The following COPB2 variants were observed in gnomAD, a reference collection of about 807,000 sequenced individuals.
COPB2 encodes coat protein complex I subunit beta 2.
COPB2 carries 16 observed loss-of-function variants against 120.8 expected under a neutral mutation model. The observed-to-expected ratio is 0.13, with a 90% CI of 0.09 to 0.20. The LOEUF (loss-of-function observed/expected upper bound fraction) is 0.20. COPB2 is among the 10% of genes least tolerant of loss of function. The pLI is 1.00. For synonymous variants in COPB2, 332 were observed against 366.3 expected (o/e 0.91, Z 1.07); for missense variants, 794 against 1,076.5 (o/e 0.74, Z 3.67).
intron 8 of COPB2, 89 bp downstream of exon 8, chr3:139,373,577 A>G (rs1299272729): frequency 6.3e-7 from 1 of 1,578,246 alleles, no homozygotes; most frequent in East Asian, 2.2e-5. Flanking sequence ...CCAGTTTTAT[A>G]AAACTGGTTA....
chr3:139,366,600 T>C lies in COPB2; in HGVS notation c.1852A>G (p.Arg618Gly). 6.2e-7 allele frequency: 1 copy of C among 1,613,944 alleles called. No individual in the cohort carries two copies. The highest frequency in any genetic ancestry group is 1.7e-4 in the Middle Eastern group (1 of 6,060). ...KVLPTIPKEQ[R>G]TRVAHFLEKQ... is the part of the protein sequence containing the mutation. ...TCCAAAAAGTGTGCAACTCTGGTCC[T>C]CTGTTCTTTTGGAATGGTAGGAAGG... The change falls in exon 15 of 22, where the codon AGG becomes GGG. Residue 618 changes from arginine (R) to glycine (G), a missense_variant. Arg to Gly is a moderately radical substitution (Grantham distance 125). Coordinates refer to ENST00000333188, the MANE Select transcript of COPB2 (RefSeq NM_004766.3).
chr3:139,357,493 G>GAC lies in COPB2; in HGVS notation c.*368_*369dup. 5.1e-6 allele frequency: 1 copy of GAC among 196,152 alleles called. No homozygotes were observed. The highest frequency in any genetic ancestry group is 1.0e-5 in the Non-Finnish European group (1 of 97,296). 12.2% of individuals were successfully genotyped at this position (196,152 alleles called of 1,614,324 possible). A position where few individuals can be genotyped will look rare whatever the true frequency, so the allele number is the denominator to read the frequency against. ...TGCAGATTTAGTTATACAAAGAAAA[G>GAC]ACAGTGGGGCTGATCCCTAGGCAAG... is the stretch of plus-strand genomic sequence containing the variant. On this transcript the variant is annotated 3_prime_UTR_variant, in exon 22 of 22. Transcript: ENST00000333188.
At chr3:139,368,309 A>G in intron 12 of COPB2, 21 bp from the exon 13 acceptor site, 3 of 1,600,474 alleles carry the variant, frequency 1.9e-6, no homozygotes, top group South Asian at 1.1e-5. Flanking sequence ...ACAAAATCAT[A>G]GACAACTGAT....
chr3:139,369,342 T>C lies in COPB2; in HGVS notation c.1320A>G (p.Gly440=), dbSNP rs1442105689. The C allele has an allele frequency of 6.2e-7, 1 of 1,613,606 alleles. No homozygotes were observed. Among genetic ancestry groups the C allele is most frequent in the East Asian group, 2.2e-5 (1 of 44,840 alleles). ...AGGCTAAGCCATTTACAGATCTGAC[T>C]CCCAATAAGAAGCCGCCGTAGATAC... The part of the protein sequence containing the change: ...AESIYGGFLL[G]VRSVNGLAFY... Residue 440 remains glycine (G), a synonymous_variant, in exon 12 of 22, where the codon GGA becomes GGG. Coordinates refer to ENST00000333188, the MANE Select transcript of COPB2 (RefSeq NM_004766.3).
intron 1 of COPB2, among the ~76,000 whole-genome samples, chr3:139,387,206 G>C (rs1456593849): frequency 6.6e-6 from 1 of 151,062 alleles, no homozygotes; most frequent in African/African-American, 2.4e-5. Context: ...GTGAGATTCT[G>C]TCAAGAAAGA....
chr3:139,369,383 A>G lies in COPB2; in HGVS notation c.1295-16T>C. ...CCGTAGATACCTAAAGGGAACATAA[A>G]AAGAGTTTTGCTTAGGCATTTTTGA... On this transcript the variant is annotated splice_polypyrimidine_tract_variant and intron_variant, in intron 11 of 21. Coordinates refer to ENST00000333188, the MANE Select transcript of COPB2 (RefSeq NM_004766.3). 2 of 1,610,288 alleles carry G rather than the reference A, an allele frequency of 1.2e-6. No homozygotes were observed. The highest frequency in any genetic ancestry group is 1.7e-6 in the Non-Finnish European group (2 of 1,178,518).
At chr3:139,361,527 C>T (rs1269484135) in intron 16 of COPB2, among the ~76,000 whole-genome samples, 3 of 152,154 alleles carry the variant, frequency 2.0e-5, no homozygotes, top group Non-Finnish European at 4.4e-5. Context: ...AAATAATTAT[C>T]GTCAACCCAT....
rs772684544 is a variant in COPB2, at chr3:139,379,055, G to C, written c.347C>G (p.Thr116Ser). Reference sequence around the variant, plus strand: ...AAAAGGTCATCTCTTACCACTGCTAGTTAGAATGAAAGGCTGGGTTGGATG... The same window carrying C: ...AAAAGGTCATCTCTTACCACTGCTACTTAGAATGAAAGGCTGGGTTGGATG... ...AVHPTQPFIL[T>S]SSDDMLIKLW... Residue 116 changes from threonine (T) to serine (S), a missense_variant, in exon 4 of 22, where the codon ACT (threonine) becomes AGT (serine). This residue lies in a region of COPB2 where 610 missense variants were observed against 866.7 expected (regional missense o/e 0.70). Transcript: ENST00000333188. 1 of 1,597,104 alleles carries C rather than the reference G, an allele frequency of 6.3e-7. No homozygotes were observed. Among genetic ancestry groups the C allele is most frequent in the South Asian group, 1.1e-5 (1 of 87,132 alleles).
At chr3:139,361,624 T>A (rs760955539) in intron 16 of COPB2, among the ~76,000 whole-genome samples, 1 of 152,218 alleles carries the variant, frequency 6.6e-6, no homozygotes, top group African/African-American at 2.4e-5. Context: ...TTTTAACAAG[T>A]GATTTAATAT....
chr3:139,368,024 C>CT, intron 13 of COPB2, 121 bp downstream of exon 13: 1 of 1,012,016 alleles, frequency 9.9e-7, no homozygotes, highest in African/African-American at 1.7e-5. Context: ...ACCAGAAATC[C>CT]TTAAATGCTG....
At chr3:139,372,711 A>AG (rs1290617879) in intron 9 of COPB2, among the ~76,000 whole-genome samples, 2 of 152,216 alleles carry the variant, frequency 1.3e-5, no homozygotes, top group Non-Finnish European at 2.9e-5. Context: ...CTCTCTCACA[A>AG]GATGTTTGGT....
chr3:139,372,241 A>T (rs897309326), intron 9 of COPB2, among the ~76,000 whole-genome samples: 1 of 152,230 alleles, frequency 6.6e-6, no homozygotes. Context: ...TATTACAAAG[A>T]CTATCTTCAT....
In COPB2 at chr3:139,375,488, C is replaced by T; in HGVS notation, c.631G>A (p.Val211Ile). 2 of 1,613,004 alleles carry T rather than the reference C, an allele frequency of 1.2e-6. No individual in the cohort carries two copies. The highest frequency in any genetic ancestry group is 1.7e-6 in the Non-Finnish European group (2 of 1,179,254). Residue 211 changes from valine (V) to isoleucine (I), a missense_variant, in exon 6 of 22, where the codon GTT becomes ATT. Around this residue, in one of 3 missense-constraint regions of COPB2, gnomAD observed 610 missense variants for 866.7 expected, o/e 0.70. Coordinates refer to ENST00000333188, the MANE Select transcript of COPB2 (RefSeq NM_004766.3). ...YLISGADDRL[V>I]KIWDYQNKTC... ...TGTACCTGATAATCCCATATTTTAA[C>T]AAGACGGTCATCTGCACCTGAAATG...
intron 2 of COPB2, chr3:139,380,347 T>C (rs1464953414): frequency 2.6e-5 from 4 of 152,206 alleles, no homozygotes; most frequent in Non-Finnish European, 5.9e-5. Flanking sequence ...AAGTGACTCA[T>C]GAATAAGGTA....
In COPB2 at chr3:139,361,313, C is replaced by T; in HGVS notation, c.1996-18G>A. 6.2e-7 allele frequency: 1 copy of T among 1,602,706 alleles called. No homozygotes were observed. The highest frequency in any genetic ancestry group is 8.5e-7 in the Non-Finnish European group (1 of 1,171,106). The stretch of plus-strand genomic sequence containing the variant: ...TGTTCTGACTGTAAGAAAAGAGTTT[C>T]CAAGTTAAAATATCTTTAGAAATAA... On this transcript the variant is annotated intron_variant, in intron 16 of 21. Transcript: ENST00000333188.
intron 1 of COPB2, chr3:139,389,344 CT>C: frequency 1.3e-6 from 1 of 763,142 alleles, no homozygotes; most frequent in Non-Finnish European, 1.8e-6. Flanking sequence ...CACTAGCAGG[CT>C]TTGCCTCCCC....
rs1941410898 is a variant in COPB2 at position 139,361,103 on chromosome 3, T to C, written c.2188A>G (p.Met730Val). 4 of 1,614,238 alleles carry C rather than the reference T, an allele frequency of 2.5e-6. No homozygotes were observed. Among genetic ancestry groups the C allele is most frequent in the Non-Finnish European group, 3.4e-6 (4 of 1,180,030 alleles). The change falls in exon 17 of 22, where the codon ATG (methionine) becomes GTG (valine). Residue 730 changes from methionine (M) to valine (V), a missense_variant. Around this residue, in one of 3 missense-constraint regions of COPB2, gnomAD observed 6 missense variants for 26.5 expected, o/e 0.23. Coordinates refer to ENST00000333188, the MANE Select transcript of COPB2 (RefSeq NM_004766.3). ...ERDGKNNVAF[M>V]SYFLQGKVDA... ...CACTTGCCCTGTAAAAAGTAGCTCATGAATGCCACATTATTTTTGCCATCT... is the reference window on the plus strand; with the variant it reads ...CACTTGCCCTGTAAAAAGTAGCTCACGAATGCCACATTATTTTTGCCATCT...
rs1941656787 is a variant in COPB2, at chr3:139,373,367, T to G, written c.940A>C (p.Ile314Leu). ...PAMSMDANGKIIWAKHSEVQQ... is the reference protein window; with the variant it reads ...PAMSMDANGKLIWAKHSEVQQ... ...ACTTCTGAATGCTTGGCCCAAATTATCTTTCCATTGGCATCCATGGACATG... is the reference window on the plus strand; with the variant it reads ...ACTTCTGAATGCTTGGCCCAAATTAGCTTTCCATTGGCATCCATGGACATG... Residue 314 changes from isoleucine (I) to leucine (L), a missense_variant, in exon 9 of 22, where the codon ATA becomes CTA. Coordinates refer to ENST00000333188, the MANE Select transcript of COPB2 (RefSeq NM_004766.3). 1 of 1,614,190 alleles carries G rather than the reference T, an allele frequency of 6.2e-7. No homozygotes were observed. The highest frequency in any genetic ancestry group is 2.2e-5 in the East Asian group (1 of 44,884).
Position 139,373,312 on chromosome 3 carries a change from T to A in COPB2, c.995A>T (p.Asp332Val), listed in dbSNP as rs1185637863. ...VQQANLKAMGDAEIKDGERLP... is the reference protein window; with the variant it reads ...VQQANLKAMGVAEIKDGERLP... ...TCTTTCACCATCTTTAATTTCAGCA[T>A]CTCCCATTGCTTTTAGGTTGGCCTG... The change falls in exon 9 of 22, where the codon GAT (aspartate) becomes GTT (valine). Residue 332 changes from aspartate (D) to valine (V), a missense_variant. Coordinates refer to ENST00000333188, the MANE Select transcript of COPB2 (RefSeq NM_004766.3). 2 of 1,614,178 alleles carry A rather than the reference T, an allele frequency of 1.2e-6. No individual in the cohort carries two copies. The highest frequency in any genetic ancestry group is 2.2e-5 in the South Asian group (2 of 91,076).
Sources: allele counts gnomAD v4.1 joint callset (sites outside exome capture counted in the v4.1 genomes callset), GRCh38; gene constraint gnomAD v4.1.1; regional missense constraint gnomAD v4.1.1; transcripts MANE v1.5; gene names NCBI Gene and HGNC (gene_info 2026-07-23, HGNC 2026-07-21).